Variants in ROBO2 observed in about 807,000 individuals in gnomAD.
The protein encoded by ROBO2 is roundabout homolog 2.
A neutral mutation model predicts 160.8 loss-of-function variants in ROBO2; 53 were observed. The ratio of observed to expected loss-of-function variants is 0.33; its 90% CI spans 0.26 to 0.41. The LOEUF (loss-of-function observed/expected upper bound fraction) is 0.41, where lower values mean the gene tolerates loss of function less well. Among genes scored for constraint, ROBO2 ranks in the 10% least tolerant of loss-of-function variants. The pLI is 1.00. For missense variants in ROBO2, 1,577 were observed against 1,722.4 expected (o/e 0.92, Z 1.49); for synonymous variants, 664 against 611.7 (o/e 1.09, Z -1.26).
chr3:76,188,548 C>G (rs1170303046), intron 2 of ROBO2, among the ~76,000 whole-genome samples: 2 of 152,006 alleles, frequency 1.3e-5, no homozygotes, highest in East Asian at 3.9e-4. Context: ...GAACTTCTAC[C>G]CTCTAGAGTT....
intron 2 of ROBO2, among the ~76,000 whole-genome samples, chr3:76,974,859 AG>A (rs1401338617): frequency 6.6e-6 from 1 of 152,170 alleles, no homozygotes; most frequent in Non-Finnish European, 1.5e-5. Context: ...CATTCAAAAA[AG>A]CAAAAGTAGT....
chr3:76,533,664 C>G (rs1410040031), intron 2 of ROBO2, among the ~76,000 whole-genome samples: 1 of 152,058 alleles, frequency 6.6e-6, no homozygotes, highest in Non-Finnish European at 1.5e-5. Context: ...TGGGCTGAGT[C>G]CGAAAAGAGA....
chr3:76,424,728 C>G (rs550298535), intron 2 of ROBO2, among the ~76,000 whole-genome samples: 1 of 152,126 alleles, frequency 6.6e-6, no homozygotes, highest in Non-Finnish European at 1.5e-5. Flanking sequence ...TACAGTTATG[C>G]GTCGAAAGTG....
intron 3 of ROBO2, 27 bp from the exon 4 acceptor site, chr3:77,481,072 T>A: frequency 1.3e-6 from 2 of 1,591,526 alleles, no homozygotes; most frequent in African/African-American, 1.3e-5. Flanking sequence ...TCTTCCCTTC[T>A]CTTTTCTTTT....
intron 2 of ROBO2, among the ~76,000 whole-genome samples, chr3:76,944,123 A>G (rs2078364696): frequency 6.6e-6 from 1 of 152,164 alleles, no homozygotes; most frequent in Non-Finnish European, 1.5e-5. Flanking sequence ...TTTCCAATTA[A>G]AAGGTCTGTT....
intron 2 of ROBO2, among the ~76,000 whole-genome samples, chr3:77,325,971 A>G (rs768585611): frequency 6.6e-6 from 1 of 152,226 alleles, no homozygotes; most frequent in Non-Finnish European, 1.5e-5. Context: ...TCCTAGATTC[A>G]TAGAATTCTT....
chr3:76,462,606 T>TAAA (rs61062093), intron 2 of ROBO2, among the ~76,000 whole-genome samples: 1 of 134,474 alleles, frequency 7.4e-6, no homozygotes, highest in Non-Finnish European at 1.6e-5. Context: ...CTTAAAGTAT[T>TAAA]AAAAAAAAAA....
At chr3:77,087,534 G>T (rs548664776) in intron 1 of ROBO2, among the ~76,000 whole-genome samples, 8 of 152,086 alleles carry the variant, frequency 5.3e-5, no homozygotes, top group Admixed American at 3.9e-4. Context: ...GAATATCCAG[G>T]TTAATACATT....
intron 2 of ROBO2, among the ~76,000 whole-genome samples, chr3:77,026,077 G>A (rs2062945957): frequency 6.6e-6 from 1 of 152,186 alleles, no homozygotes; most frequent in South Asian, 2.1e-4. Context: ...TTGGTGTTAA[G>A]TCAGTCTCTG....
chr3:76,536,093 A>C (rs554212275), intron 2 of ROBO2, among the ~76,000 whole-genome samples: 2 of 152,250 alleles, frequency 1.3e-5, no homozygotes, highest in South Asian at 2.1e-4. Flanking sequence ...CCCAGTGGCC[A>C]GTTTTGTGGC....
At chr3:77,562,516 T>C in intron 9 of ROBO2, 135 bp from the exon 11 acceptor site, 1 of 639,860 alleles carries the variant, frequency 1.6e-6, no homozygotes, top group East Asian at 2.9e-5. Context: ...TACATATGAT[T>C]GACTCTAATG....
chr3:76,044,285 C>G lies in ROBO2; in HGVS notation c.109+106683C>G, dbSNP rs143579650. On this transcript the variant is annotated intron_variant, in intron 2 of 26. Transcript: ENST00000487694. Reference sequence around the variant, plus strand: ...ATGTAAGCATTCTTCCCTCAAACATCTGTGTTCTTCAGCTTGTCCCACTTC... The same window carrying G: ...ATGTAAGCATTCTTCCCTCAAACATGTGTGTTCTTCAGCTTGTCCCACTTC... Among the ~76,000 whole-genome samples the G allele has an allele frequency of 4.8e-3, 735 of 152,152 alleles. 5 individuals carry two copies. The highest frequency in any genetic ancestry group is 0.034 in the Middle Eastern group (10 of 294).
In ROBO2 at chr3:77,214,948, A is replaced by C. The variant is rs569145034; in HGVS notation, c.388+116608A>C. Among the ~76,000 whole-genome samples the C allele has an allele frequency of 4.9e-3, 748 of 151,122 alleles. 3 individuals are homozygous for C. Among genetic ancestry groups the C allele is most frequent in the Non-Finnish European group, 8.8e-3 (593 of 67,742 alleles). On this transcript the variant is annotated intron_variant, in intron 2 of 25. Transcript: ENST00000461745. ...CTTGTAGAGTGTCTGCCGAGAGATC[A>C]GCTGTTAGTCTGATGGGCTTCCCTT...
intron 2 of ROBO2, among the ~76,000 whole-genome samples, chr3:77,396,039 T>A (rs1232458600): frequency 6.6e-6 from 1 of 151,604 alleles, no homozygotes; most frequent in Non-Finnish European, 1.5e-5. Flanking sequence ...TATTTTCAAA[T>A]GAGTTTTTAA....
intron 1 of ROBO2, among the ~76,000 whole-genome samples, chr3:77,047,681 G>A (rs563256545): frequency 2.0e-4 from 30 of 148,826 alleles, no homozygotes; most frequent in African/African-American, 2.9e-4. Flanking sequence ...GCAAAACTCC[G>A]TCTCAAAAAA....
In ROBO2 at chr3:76,574,508, A is replaced by G. The variant is rs367807091; in HGVS notation, c.110-523506A>G. On this transcript the variant is annotated intron_variant, in intron 2 of 26. Transcript: ENST00000487694. ...AGAGCTTTAAGTTTTAGAACAATAT[A>G]AAGAAAACCTTTTAATATTGATTGC... is the stretch of plus-strand genomic sequence containing the variant. 2.6e-4 allele frequency among the ~76,000 whole-genome samples: 40 copies of G among 152,226 alleles called. 1 individual carries two copies. In the South Asian group the frequency reaches 2.7e-3, roughly 10 times the overall value.
At chr3:76,590,643 T>C (rs1006462066) in intron 2 of ROBO2, among the ~76,000 whole-genome samples, 1 of 152,080 alleles carries the variant, frequency 6.6e-6, no homozygotes, top group African/African-American at 2.4e-5. Flanking sequence ...TTCAGAAAGA[T>C]CACAAATACA....
At chr3:76,793,591 C>CT (rs971952068) in intron 2 of ROBO2, among the ~76,000 whole-genome samples, 9 of 151,116 alleles carry the variant, frequency 6.0e-5, no homozygotes, top group East Asian at 5.9e-4. Flanking sequence ...ATAGTGAATT[C>CT]TTTTTTTTTC....
intron 2 of ROBO2, among the ~76,000 whole-genome samples, chr3:76,070,481 A>G (rs2068414225): frequency 6.6e-6 from 1 of 152,134 alleles, no homozygotes; most frequent in Non-Finnish European, 1.5e-5. Context: ...CTGTCTTCTG[A>G]TAAGATGTTA....
Sources: allele counts gnomAD v4.1 joint callset (sites outside exome capture counted in the v4.1 genomes callset), GRCh38; gene constraint gnomAD v4.1.1; transcripts MANE v1.5; gene names NCBI Gene and HGNC (gene_info 2026-07-23, HGNC 2026-07-21).